NTNG1: variants seen among roughly 807,000 people sequenced by gnomAD.
NTNG1 encodes netrin-G1.
A neutral mutation model predicts 54.0 loss-of-function variants in NTNG1; 16 were observed. That is an observed-to-expected ratio of 0.30 (90% confidence interval 0.20 to 0.45). The LOEUF (loss-of-function observed/expected upper bound fraction) is 0.45. Among genes scored for constraint, NTNG1 ranks in the 20% least tolerant of loss-of-function variants. The pLI, the probability that NTNG1 is intolerant of heterozygous loss-of-function variation, is 1.00. For synonymous variants in NTNG1, 255 were observed against 263.1 expected (o/e 0.97, Z 0.30); for missense variants, 530 against 678.7 (o/e 0.78, Z 2.43).
At chr1:107,338,253 A>G (rs1241696800) in intron 3 of NTNG1, among the ~76,000 whole-genome samples, 1 of 152,046 alleles carries the variant, frequency 6.6e-6, no homozygotes, top group Non-Finnish European at 1.5e-5. Context: ...AATAATACAG[A>G]AAGTAGGTTT....
intron 2 of NTNG1, among the ~76,000 whole-genome samples, chr1:107,306,577 C>A (rs554853266): frequency 2.0e-5 from 3 of 152,246 alleles, no homozygotes; most frequent in East Asian, 3.9e-4. Context: ...ATGGTGAAAC[C>A]CTGCCTCTAC....
chr1:107,187,766 C>T (rs891221108), intron 2 of NTNG1, among the ~76,000 whole-genome samples: 1 of 152,098 alleles, frequency 6.6e-6, no homozygotes, highest in Non-Finnish European at 1.5e-5. Context: ...TTTTCACTGC[C>T]TCAGGTGTCG....
In NTNG1 at chr1:107,324,341, C is replaced by T. The variant is rs1210488712; in HGVS notation, c.306C>T (p.Pro102=). Residue 102 remains proline (P), a synonymous_variant, in exon 3 of 8, where the codon CCC becomes CCT. Transcript: ENST00000370068. ...CGAGTACCCCTGAGCTGGCACACCC[C>T]CCTGAGCTGATGTTTGATTTTGAAG... ...CDASTPELAH[P]PELMFDFEGR... is the part of the protein sequence containing the mutation. 3 of 1,613,566 alleles carry T rather than the reference C, an allele frequency of 1.9e-6. No homozygotes were observed. Among genetic ancestry groups the T allele is most frequent in the Admixed American group, 1.7e-5 (1 of 59,942 alleles).
intron 7 of NTNG1, among the ~76,000 whole-genome samples, chr1:107,477,716 G>GT (rs1360235014): frequency 7.5e-5 from 2 of 26,496 alleles, no homozygotes; most frequent in African/African-American, 1.5e-4. Flanking sequence ...TTGTAAATAC[G>GT]TTTTTTGTAG....
chr1:107,394,429 A>G (rs1672553943), intron 3 of NTNG1, among the ~76,000 whole-genome samples: 1 of 151,420 alleles, frequency 6.6e-6, no homozygotes, highest in African/African-American at 2.4e-5. Flanking sequence ...CACATGAAGG[A>G]TTTTTTTTTC....
At chr1:107,299,516 C>T (rs768956279) in intron 2 of NTNG1, among the ~76,000 whole-genome samples, 2 of 152,050 alleles carry the variant, frequency 1.3e-5, no homozygotes, top group South Asian at 2.1e-4. Context: ...AAGGACTTTA[C>T]GTATCTTATT....
At chr1:107,324,258 C>T (rs749073388) in intron 2 of NTNG1, 24 bp from the exon 3 acceptor site, 8 of 1,601,592 alleles carry the variant, frequency 5.0e-6, no homozygotes, top group Non-Finnish European at 6.8e-6. Flanking sequence ...TTTTGATGCA[C>T]GCTCTTTTGT....
At chr1:107,188,179 T>C (rs536612157) in intron 2 of NTNG1, among the ~76,000 whole-genome samples, 7 of 152,244 alleles carry the variant, frequency 4.6e-5, no homozygotes, top group African/African-American at 1.2e-4. Context: ...TAGTCCTGAT[T>C]GATGTGAAGC....
intron 5 of NTNG1, among the ~76,000 whole-genome samples, chr1:107,415,997 A>T (rs1244664712): frequency 6.6e-6 from 1 of 152,172 alleles, no homozygotes; most frequent in Non-Finnish European, 1.5e-5. Context: ...TTGTTTTCTT[A>T]CTTGGCCTTG....
intron 2 of NTNG1, among the ~76,000 whole-genome samples, chr1:107,268,568 A>T (rs780462476): frequency 6.7e-6 from 1 of 148,870 alleles, no homozygotes; most frequent in Admixed American, 6.7e-5. Flanking sequence ...CCTCTTCTCT[A>T]TCTGTACTTT....
chr1:107,211,162 T>C (rs112873094), intron 2 of NTNG1, among the ~76,000 whole-genome samples: 1 of 152,156 alleles, frequency 6.6e-6, no homozygotes, highest in Non-Finnish European at 1.5e-5. Flanking sequence ...TGGAACAGTG[T>C]TGGGTGAATT....
Position 107,481,163 on chromosome 1 carries a change from A to C in NTNG1, c.*323A>C. 5.6e-6 allele frequency: 2 copies of C among 358,688 alleles called. No individual in the cohort carries two copies. The highest frequency in any genetic ancestry group is 4.2e-5 in the Admixed American group (1 of 23,804). 22.2% of individuals were successfully genotyped at this position (358,688 alleles called of 1,614,324 possible). A position where few individuals can be genotyped will look rare whatever the true frequency, so the allele number is the denominator to read the frequency against. On this transcript the variant is annotated 3_prime_UTR_variant, in exon 8 of 8. Coordinates refer to ENST00000370068, the MANE Select transcript of NTNG1 (RefSeq NM_001113226.3). ...GGAAAGACAAAAAACAAACAAATCA[A>C]CCGACCTAAAAACATTGGCTACTCT... is the stretch of plus-strand genomic sequence containing the variant.
At chr1:107,219,525 T>C (rs1245116376) in intron 2 of NTNG1, among the ~76,000 whole-genome samples, 1 of 152,198 alleles carries the variant, frequency 6.6e-6, no homozygotes, top group Non-Finnish European at 1.5e-5. Flanking sequence ...TTTTTGGTCC[T>C]TCTCACTTGG....
chr1:107,448,575 T>C (rs1676436725), intron 7 of NTNG1, among the ~76,000 whole-genome samples: 1 of 152,062 alleles, frequency 6.6e-6, no homozygotes, highest in African/African-American at 2.4e-5. Context: ...ACAGTGAAGT[T>C]TGAGAAGCAG....
intron 5 of NTNG1, chr1:107,421,270 C>T: frequency 1.6e-6 from 1 of 642,194 alleles, no homozygotes; most frequent in Non-Finnish European, 2.8e-6. Flanking sequence ...TGACTAATAT[C>T]AATCAATGCA....
chr1:107,441,636 G>T (rs1675972947), intron 7 of NTNG1, among the ~76,000 whole-genome samples: 1 of 152,054 alleles, frequency 6.6e-6, no homozygotes, highest in Admixed American at 6.6e-5. Context: ...TCCTTTTCAA[G>T]ATCTTTAATT....
chr1:107,367,685 T>C (rs1670680654), intron 3 of NTNG1, among the ~76,000 whole-genome samples: 1 of 152,140 alleles, frequency 6.6e-6, no homozygotes, highest in Admixed American at 6.5e-5. Flanking sequence ...TAGTCTACTG[T>C]AGTTACTCTG....
At chr1:107,140,274 T>A (rs1244331470), upstream of NTNG1, 1 of 153,070 alleles carries the variant, frequency 6.5e-6, no homozygotes, top group Non-Finnish European at 1.5e-5. Flanking sequence ...GAAACGTACA[T>A]GCCACCCCTC....
chr1:107,198,300 A>G (rs572551417), intron 2 of NTNG1, among the ~76,000 whole-genome samples: 1 of 152,100 alleles, frequency 6.6e-6, no homozygotes, highest in Non-Finnish European at 1.5e-5. Flanking sequence ...AGACAGGATT[A>G]AGTAGGGAAT....
Sources: gnomAD v4.1 joint callset for allele counts (sites outside exome capture counted in the v4.1 genomes callset) on GRCh38, gnomAD v4.1.1 for gene constraint, MANE v1.5 for transcripts, NCBI Gene and HGNC (gene_info 2026-07-23, HGNC 2026-07-21) for gene names.